The following OMA1 variants were observed in gnomAD, a reference collection of about 807,000 sequenced individuals.
The protein encoded by OMA1 is OMA1 zinc metallopeptidase.
In OMA1, 38 loss-of-function variants were observed where a neutral mutation model predicts 30.9. The ratio of observed to expected loss-of-function variants is 1.23; its 90% CI spans 0.95 to 1.61. OMA1 has a LOEUF of 1.61. Ranked by LOEUF, OMA1 falls within the 40% of genes most tolerant of loss-of-function variation. OMA1 has a pLI of 0.00. For missense variants in OMA1, 461 were observed against 349.2 expected (o/e 1.32, Z -2.55); for synonymous variants, 173 against 121.9 (o/e 1.42, Z -2.76).
intron 8 of OMA1, among the ~76,000 whole-genome samples, chr1:58,488,944 T>C (rs1645625449): frequency 6.6e-6 from 1 of 152,248 alleles, no homozygotes; most frequent in South Asian, 2.1e-4. Context: ...AGATGTGTAC[T>C]TGAAAATATA....
intron 8 of OMA1, among the ~76,000 whole-genome samples, chr1:58,491,353 C>A (rs2100377980): frequency 6.6e-6 from 1 of 152,274 alleles, no homozygotes; most frequent in African/African-American, 2.4e-5. Context: ...GAAACTGCAT[C>A]AACTCACGAG....
intron 1 of OMA1, among the ~76,000 whole-genome samples, chr1:58,541,944 A>G (rs1342098649): frequency 2.0e-5 from 3 of 152,220 alleles, no homozygotes; most frequent in Non-Finnish European, 4.4e-5. Flanking sequence ...ATCTTCATAT[A>G]AAAGTTGGGG....
At chr1:58,542,552 C>T (rs577251321) in intron 1 of OMA1, 1 of 151,908 alleles carries the variant, frequency 6.6e-6, no homozygotes, top group Admixed American at 6.6e-5. Context: ...ATTTTTCATG[C>T]CATTTAGGCA....
At chr1:58,488,277 T>C (rs527385725) in intron 8 of OMA1, among the ~76,000 whole-genome samples, 161 of 152,312 alleles carry the variant, frequency 1.1e-3, no homozygotes, top group African/African-American at 3.8e-3. Context: ...GTTATATTAA[T>C]TTTACTATAC....
At chr1:58,486,024 A>G (rs1317639048) in intron 8 of OMA1, among the ~76,000 whole-genome samples, 1 of 152,228 alleles carries the variant, frequency 6.6e-6, no homozygotes, top group Non-Finnish European at 1.5e-5. Context: ...GACTACAACT[A>G]TGAGTGAAAG....
At chr1:58,495,040 C>T (rs1569889278) in intron 8 of OMA1, among the ~76,000 whole-genome samples, 2 of 152,228 alleles carry the variant, frequency 1.3e-5, no homozygotes, top group African/African-American at 4.8e-5. Flanking sequence ...CAATGATAGA[C>T]TGGATTAAGA....
At chr1:58,533,054 G>A (rs1646461120) in intron 5 of OMA1, among the ~76,000 whole-genome samples, 1 of 152,072 alleles carries the variant, frequency 6.6e-6, no homozygotes, top group African/African-American at 2.4e-5. Flanking sequence ...ATGTACCTTT[G>A]CGTTTACAAT....
chr1:58,527,527 T>TA (rs953517736), intron 6 of OMA1, among the ~76,000 whole-genome samples, 192 bp from the exon 7 acceptor site: 2 of 152,166 alleles, frequency 1.3e-5, no homozygotes, highest in African/African-American at 4.8e-5. Flanking sequence ...AGAAATACTT[T>TA]AAAAAATGAT....
At chr1:58,489,690 C>G (rs1373468372) in intron 8 of OMA1, among the ~76,000 whole-genome samples, 2 of 152,314 alleles carry the variant, frequency 1.3e-5, no homozygotes, top group South Asian at 4.1e-4. Context: ...GGAGGCACCC[C>G]CCAGTAGGGG....
At chr1:58,540,815 G>GAA (rs147800455) in intron 1 of OMA1, among the ~76,000 whole-genome samples, 7 of 142,720 alleles carry the variant, frequency 4.9e-5, no homozygotes, top group African/African-American at 7.7e-5. Flanking sequence ...GGTGTAGACA[G>GAA]AAAAAAAAAA....
At chr1:58,529,413 A>G (rs1646399109) in intron 6 of OMA1, among the ~76,000 whole-genome samples, 1 of 152,390 alleles carries the variant, frequency 6.6e-6, no homozygotes, top group African/African-American at 2.4e-5. Flanking sequence ...AAAGATTGCA[A>G]GACCTACTTT....
At chr1:58,537,777 T>C (rs939710320) in intron 2 of OMA1, among the ~76,000 whole-genome samples, 3 of 152,224 alleles carry the variant, frequency 2.0e-5, no homozygotes, top group Admixed American at 6.5e-5. Flanking sequence ...AATCAAACTA[T>C]CGAGTATACT....
rs769754774 is a variant in OMA1, at chr1:58,533,957, T to C, written c.1007A>G (p.His336Arg). Reference protein sequence around the residue: ...GHEIAHAVLGHAAEKAGMVHL... With the variant: ...GHEIAHAVLGRAAEKAGMVHL... ...ACATTCATTTTAGGTACTTACAGCA[T>C]GCCCAAGTACTGCATGTGCTATTTC... Residue 336 changes from histidine (H) to arginine (R), a missense_variant, in exon 5 of 9, where the codon CAT becomes CGT. Coordinates refer to ENST00000371226, the MANE Select transcript of OMA1 (RefSeq NM_145243.5). The C allele has an allele frequency of 2.4e-4, 208 of 872,244 alleles. 2 individuals are homozygous for C. The highest frequency in any genetic ancestry group is 2.4e-3 in the South Asian group (182 of 76,416). The allele number at this position is 872,244 out of a possible 1,614,324, so 54.0% of individuals were successfully genotyped here. A position where few individuals can be genotyped will look rare whatever the true frequency, so the allele number is the denominator to read the frequency against.
chr1:58,504,153 T>C (rs761685143), intron 8 of OMA1, among the ~76,000 whole-genome samples: 20 of 152,192 alleles, frequency 1.3e-4, no homozygotes, highest in Non-Finnish European at 2.8e-4. Flanking sequence ...CTCTGCTCAA[T>C]ATCCTCAACT....
intron 8 of OMA1, among the ~76,000 whole-genome samples, chr1:58,488,183 A>G (rs927954082): frequency 1.3e-5 from 2 of 152,174 alleles, no homozygotes; most frequent in African/African-American, 4.8e-5. Context: ...ATTACAAGCC[A>G]TCCTCTTATT....
chr1:58,539,654 A>G (rs774874408), intron 1 of OMA1, among the ~76,000 whole-genome samples: 2 of 152,208 alleles, frequency 1.3e-5, no homozygotes, highest in Non-Finnish European at 2.9e-5. Context: ...TCAGTTTGCA[A>G]TAACTGGAAG....
chr1:58,541,614 C>CAAAAAAAAAAAAAAAAA (rs60360589), intron 1 of OMA1: 6 of 65,632 alleles, frequency 9.1e-5, no homozygotes, highest in Non-Finnish European at 1.6e-4. Flanking sequence ...GAGAACCTGT[C>CAAAAAAAAAAAAAAAAA]AAAAAAAAAA....
At chr1:58,524,250 G>A (rs1312402409) in intron 7 of OMA1, among the ~76,000 whole-genome samples, 1 of 152,160 alleles carries the variant, frequency 6.6e-6, no homozygotes, top group Non-Finnish European at 1.5e-5. Context: ...TGTTCCGGCA[G>A]CTATTCTTTC....
chr1:58,505,989 A>G, intron 8 of OMA1, 71 bp downstream of exon 8: 3 of 768,590 alleles, frequency 3.9e-6, no homozygotes, highest in South Asian at 1.7e-5. Flanking sequence ...TTACTAAGCA[A>G]AAGAAGTGAC....
Sources: allele counts gnomAD v4.1 joint callset (sites outside exome capture counted in the v4.1 genomes callset), GRCh38; gene constraint gnomAD v4.1.1; transcripts MANE v1.5; gene names NCBI Gene and HGNC (gene_info 2026-07-23, HGNC 2026-07-21).